The following ONECUT3 variants were observed in gnomAD, a reference collection of about 807,000 sequenced individuals.
ONECUT3 encodes one cut homeobox 3, also known as one cut domain family member 3.
In ONECUT3, 11 loss-of-function variants were observed where a neutral mutation model predicts 16.8. That is an observed-to-expected ratio of 0.66 (90% CI 0.41 to 1.09). ONECUT3 has a LOEUF of 1.09. Ranked by LOEUF, ONECUT3 falls within the 50% of genes least tolerant of loss-of-function variation. The probability of loss-of-function intolerance (pLI) is 0.00; values close to 1 mark genes in which losing one functional copy is unlikely to be tolerated. For missense variants in ONECUT3, 637 were observed against 629.9 expected, an observed-to-expected ratio of 1.01 and a Z score of -0.12; for synonymous variants, 344 against 310.7, an observed-to-expected ratio of 1.11 and a Z score of -1.13.
rs1320764193 is a variant in ONECUT3, at chr19:1,764,048, GGCCGCTTCA to G, written c.1192+9203_1192+9211del. Among the ~76,000 whole-genome samples the G allele has an allele frequency of 6.6e-6, 1 of 152,188 alleles. No homozygotes were observed. The highest frequency in any genetic ancestry group is 1.5e-5 in the Non-Finnish European group (1 of 68,034). Reference sequence around the variant, plus strand: ...CAGCCTCCCCAGCCCCTTTCTGGGTGGCCGCTTCAGCCGCTTCTTATCACTGATTCCTTT... The same window carrying G: ...CAGCCTCCCCAGCCCCTTTCTGGGTGGCCGCTTCTTATCACTGATTCCTTT... On this transcript the variant is annotated intron_variant, in intron 1 of 1. Coordinates refer to ENST00000382349, the MANE Select transcript of ONECUT3 (RefSeq NM_001080488.2). The surrounding 1 kb of genome is among the most constrained non-coding windows in gnomAD (Gnocchi z 5.0).
chr19:1,777,883 C>T lies in ONECUT3; in HGVS notation c.*2438C>T, dbSNP rs8110457. 131,408 of 151,286 alleles carry T rather than the reference C, an allele frequency of 0.87. 57,569 individuals are homozygous for T. Among genetic ancestry groups the T allele is most frequent in the African/African-American group, 0.97 (39,937 of 41,194 alleles). The allele number at this position is 151,286 out of a possible 1,614,324, so 9.4% of individuals were successfully genotyped here. On this transcript the variant is annotated 3_prime_UTR_variant, in exon 2 of 2. Coordinates refer to ENST00000382349, the MANE Select transcript of ONECUT3 (RefSeq NM_001080488.2). ...GGTGGCAGGCACCTGTAATCCCAGC[C>T]ACCTGGGAGGCTGAGGCAGGAGAAT...
chr19:1,770,353 C>T (rs982384236), intron 1 of ONECUT3, among the ~76,000 whole-genome samples: 1 of 152,112 alleles, frequency 6.6e-6, no homozygotes, highest in Admixed American at 6.5e-5. Context: ...GGAAGGATTG[C>T]TTGAGCCCAG....
Position 1,754,122 on chromosome 19 carries a change from C to G in ONECUT3, c.460C>G (p.Pro154Ala). The G allele has an allele frequency of 9.7e-7, 1 of 1,033,300 alleles. No individual in the cohort carries two copies. Among genetic ancestry groups the G allele is most frequent in the Non-Finnish European group, 1.2e-6 (1 of 864,528 alleles). The allele number at this position is 1,033,300 out of a possible 1,614,324, so 64.0% of individuals were successfully genotyped here. A position where few individuals can be genotyped will look rare whatever the true frequency, so the allele number is the denominator to read the frequency against. ...GCACCCGGCGGCCGCGCCGCCCCCG[C>G]CACCCCCGCCGCAGCGTCTGGCGGC... ...HPHPAAAPPP[P>A]PPPQRLAASV... The change falls in exon 1 of 2, where the codon CCA (proline) becomes GCA (alanine). Residue 154 changes from proline to alanine, a missense_variant. Pro to Ala is a conservative substitution (Grantham distance 27). Coordinates refer to ENST00000382349, the MANE Select transcript of ONECUT3 (RefSeq NM_001080488.2). This position sits in a 1 kb window ranked among gnomAD's most constrained non-coding sequence, Gnocchi z 7.4.
Position 1,754,508 on chromosome 19 carries a change from G to T in ONECUT3, c.846G>T (p.Gly282=). The change falls in exon 1 of 2, where the codon GGG becomes GGT. Residue 282 remains glycine, a synonymous_variant. Coordinates refer to ENST00000382349, the MANE Select transcript of ONECUT3 (RefSeq NM_001080488.2). The surrounding 1 kb of genome is among the most constrained non-coding windows in gnomAD (Gnocchi z 7.4). ...GAGCGGGCAGCGGGAGCGCCGCGGG[G>T]CTGCTGGCGCCGCTGGGCGGGCTGG... ...SGGAGSGSAA[G]LLAPLGGLAA... is the part of the protein sequence containing the mutation. 2.0e-5 allele frequency: 20 copies of T among 980,284 alleles called. No homozygotes were observed. Among genetic ancestry groups the T allele is most frequent in the Non-Finnish European group, 2.4e-5 (20 of 828,086 alleles). 60.7% of individuals were successfully genotyped at this position (980,284 alleles called of 1,614,324 possible).
In ONECUT3 at chr19:1,766,820, T is replaced by A. The variant is rs1274684802; in HGVS notation, c.1193-8333T>A. ...AGGCTGGGCTGAGACCCCCCCCCCATGCTCCACCACCCTCGTGTAGGACAA... is the reference window on the plus strand; with the variant it reads ...AGGCTGGGCTGAGACCCCCCCCCCAAGCTCCACCACCCTCGTGTAGGACAA... On this transcript the variant is annotated intron_variant, in intron 1 of 1. Transcript: ENST00000382349. The surrounding 1 kb of genome is among the most constrained non-coding windows in gnomAD (Gnocchi z 4.0). Among the ~76,000 whole-genome samples, 2 of 151,110 alleles carry A rather than the reference T, an allele frequency of 1.3e-5. No homozygotes were observed. The highest frequency in any genetic ancestry group is 2.9e-5 in the Non-Finnish European group (2 of 67,856).
chr19:1,765,717 G>A (rs568425221), intron 1 of ONECUT3, among the ~76,000 whole-genome samples: 5 of 152,318 alleles, frequency 3.3e-5, no homozygotes, highest in Admixed American at 6.5e-5. Context: ...GGGTCACTGC[G>A]TCCACTTGAT....
Position 1,775,688 on chromosome 19 carries a change from C to G in ONECUT3, c.*243C>G, listed in dbSNP as rs1032783825. ...GGCCAAAGGAAGCCCTCCACCCCCC[C>G]CCGGAGGGGAGGGAGTGACAGAAAG... On this transcript the variant is annotated 3_prime_UTR_variant, in exon 2 of 2. Transcript: ENST00000382349. The G allele has an allele frequency of 2.3e-5, 9 of 391,128 alleles. No individual in the cohort carries two copies. The South Asian group carries it at 3.8e-4, about 17-fold the overall frequency. The allele number at this position is 391,128 out of a possible 1,614,324, so 24.2% of individuals were successfully genotyped here.
rs549593541 is a variant in ONECUT3, at chr19:1,764,459, G to A, written c.1192+9605G>A. ...GGAGGGAGAGGGGTGGGGACAAGAG[G>A]GAGGCTGGGCGCCTGCTGAGGCCAA... On this transcript the variant is annotated intron_variant, in intron 1 of 1. Transcript: ENST00000382349. The surrounding 1 kb of genome is among the most constrained non-coding windows in gnomAD (Gnocchi z 5.0). 6.6e-6 allele frequency among the ~76,000 whole-genome samples: 1 copy of A among 152,296 alleles called. No homozygotes were observed. Among genetic ancestry groups the A allele is most frequent in the African/African-American group, 2.4e-5 (1 of 41,562 alleles).
rs1241787736 is a variant in ONECUT3 at position 1,758,120 on chromosome 19, C to A, written c.1192+3266C>A. ...GGGGACAGGGAGGGAGAAAGACCCG[C>A]AGGTGCAGACGGAGAGGGAGGGGGA... On this transcript the variant is annotated intron_variant, in intron 1 of 1. Transcript: ENST00000382349. This position sits in a 1 kb window ranked among gnomAD's most constrained non-coding sequence, Gnocchi z 5.9. 6.6e-6 allele frequency among the ~76,000 whole-genome samples: 1 copy of A among 151,642 alleles called. No homozygotes were observed. Among genetic ancestry groups the A allele is most frequent in the African/African-American group, 2.4e-5 (1 of 41,222 alleles).
chr19:1,777,033 A>AGG lies in ONECUT3; in HGVS notation c.*1589_*1590insGG, dbSNP rs1462477542. 1 of 58,368 alleles carries AGG rather than the reference A, an allele frequency of 1.7e-5. No individual in the cohort carries two copies. The highest frequency in any genetic ancestry group is 4.3e-5 in the Non-Finnish European group (1 of 23,388). The allele number at this position is 58,368 out of a possible 1,614,324, so 3.6% of individuals were successfully genotyped here. A position where few individuals can be genotyped will look rare whatever the true frequency, so the allele number is the denominator to read the frequency against. ...GAACCTGAGAGCGAAAGAGAGAGAGAGAGAGAGGGAGAGAGAGGGAGAGAA... is the reference window on the plus strand; with the variant it reads ...GAACCTGAGAGCGAAAGAGAGAGAGAGGGAGAGAGGGAGAGAGAGGGAGAGAA... On this transcript the variant is annotated 3_prime_UTR_variant, in exon 2 of 2. Coordinates refer to ENST00000382349, the MANE Select transcript of ONECUT3 (RefSeq NM_001080488.2).
In ONECUT3 at chr19:1,758,432, T is replaced by C. The variant is rs2067929378; in HGVS notation, c.1192+3578T>C. On this transcript the variant is annotated intron_variant, in intron 1 of 1. Transcript: ENST00000382349. The surrounding 1 kb of genome is among the most constrained non-coding windows in gnomAD (Gnocchi z 5.9). Reference sequence around the variant, plus strand: ...TCCTTCTTCCCCATGGGGTAGGACTTGGGAGAGGGGAATAGGTGTTTTCCT... The same window carrying C: ...TCCTTCTTCCCCATGGGGTAGGACTCGGGAGAGGGGAATAGGTGTTTTCCT... 6.6e-6 allele frequency among the ~76,000 whole-genome samples: 1 copy of C among 151,848 alleles called. No homozygotes were observed. The highest frequency in any genetic ancestry group is 6.5e-5 in the Admixed American group (1 of 15,270).
chr19:1,754,120 C>T lies in ONECUT3; in HGVS notation c.458C>T (p.Pro153Leu), dbSNP rs1235071016. The change falls in exon 1 of 2, where the codon CCG (proline) becomes CTG (leucine). Residue 153 changes from proline to leucine, a missense_variant. Pro to Leu is a moderately conservative substitution (Grantham distance 98). Transcript: ENST00000382349. The surrounding 1 kb of genome is among the most constrained non-coding windows in gnomAD (Gnocchi z 7.4). ...AHPHPAAAPPPPPPPQRLAAS... is the reference protein window; with the variant it reads ...AHPHPAAAPPLPPPPQRLAAS... Reference sequence around the variant, plus strand: ...CCGCACCCGGCGGCCGCGCCGCCCCCGCCACCCCCGCCGCAGCGTCTGGCG... The same window carrying T: ...CCGCACCCGGCGGCCGCGCCGCCCCTGCCACCCCCGCCGCAGCGTCTGGCG... The T allele has an allele frequency of 1.6e-5, 17 of 1,030,544 alleles. No individual in the cohort carries two copies. Among genetic ancestry groups the T allele is most frequent in the Non-Finnish European group, 2.0e-5 (17 of 861,964 alleles). 63.8% of individuals were successfully genotyped at this position (1,030,544 alleles called of 1,614,324 possible). A position where few individuals can be genotyped will look rare whatever the true frequency, so the allele number is the denominator to read the frequency against.
intron 1 of ONECUT3, among the ~76,000 whole-genome samples, chr19:1,774,693 G>A (rs1286109778): frequency 6.9e-6 from 1 of 144,964 alleles, no homozygotes; most frequent in African/African-American, 2.5e-5. Context: ...GGTTTGGGGG[G>A]TATGAGGCTT....
chr19:1,763,774 C>T (rs2067961366), intron 1 of ONECUT3, among the ~76,000 whole-genome samples: 1 of 148,980 alleles, frequency 6.7e-6, no homozygotes, highest in African/African-American at 2.5e-5. Context: ...TTCAGATGCT[C>T]CGAGATTCTT....
rs893004793 is a variant in ONECUT3 at position 1,755,668 on chromosome 19, C to G, written c.1192+814C>G. On this transcript the variant is annotated intron_variant, in intron 1 of 1. Coordinates refer to ENST00000382349, the MANE Select transcript of ONECUT3 (RefSeq NM_001080488.2). This position sits in a 1 kb window ranked among gnomAD's most constrained non-coding sequence, Gnocchi z 7.5. The stretch of plus-strand genomic sequence containing the variant: ...TCTCTCCTCTCTCGGTCGGAACACA[C>G]TGGTATCTCTATGTTTTTCTCTTGC... 2.0e-5 allele frequency among the ~76,000 whole-genome samples: 3 copies of G among 152,220 alleles called. No homozygotes were observed. The highest frequency in any genetic ancestry group is 6.5e-5 in the Admixed American group (1 of 15,284).
At chr19:1,769,094 ATGGAGGAGGAGATGCTGG>A (rs2068028631) in intron 1 of ONECUT3, among the ~76,000 whole-genome samples, 2 of 80,178 alleles carry the variant, frequency 2.5e-5, no homozygotes, top group East Asian at 5.1e-4. Context: ...GGTGGAGGTG[ATGGAGGAGGAGATGCTGG>A]AGGTGGAGGT....
intron 1 of ONECUT3, among the ~76,000 whole-genome samples, chr19:1,773,958 G>A (rs896270310): frequency 6.6e-6 from 1 of 152,216 alleles, no homozygotes; most frequent in African/African-American, 2.4e-5. Context: ...CTTTGCAAGT[G>A]TCTGGTCTGC....
chr19:1,762,538 C>T lies in ONECUT3; in HGVS notation c.1192+7684C>T, dbSNP rs948787349. On this transcript the variant is annotated intron_variant, in intron 1 of 1. Transcript: ENST00000382349. The surrounding 1 kb of genome is among the most constrained non-coding windows in gnomAD (Gnocchi z 4.4). ...AGCTGCGGAGTCGGGCTGGGGCCGC[C>T]GCGTTGCGCACATCGGTCCTTGGCG... Among the ~76,000 whole-genome samples, 2 of 152,244 alleles carry T rather than the reference C, an allele frequency of 1.3e-5. No homozygotes were observed. Among genetic ancestry groups the T allele is most frequent in the Admixed American group, 6.5e-5 (1 of 15,290 alleles).
At chr19:1,757,000 A>C (rs2067919613) in intron 1 of ONECUT3, among the ~76,000 whole-genome samples, 1 of 150,998 alleles carries the variant, frequency 6.6e-6, no homozygotes, top group Non-Finnish European at 1.5e-5. Flanking sequence ...AGTCCACACC[A>C]CTCTCCATTT....
Sources: gnomAD v4.1 joint callset for allele counts (sites outside exome capture counted in the v4.1 genomes callset) on GRCh38, gnomAD v4.1.1 for gene constraint, Gnocchi (gnomAD v3.1) non-coding constraint, MANE v1.5 for transcripts, NCBI Gene and HGNC (gene_info 2026-07-23, HGNC 2026-07-21) for gene names.